Variants in HDAC9 observed in about 807,000 individuals in gnomAD.
HDAC9 encodes the protein MEF-2 interacting transcription repressor (MITR) protein.
In HDAC9, 41 loss-of-function variants were observed where a neutral mutation model predicts 139.4. That is an observed-to-expected ratio of 0.29 (90% CI 0.23 to 0.38). The LOEUF is 0.38. HDAC9 is among the 10% of genes least tolerant of loss of function. The pLI, the probability that HDAC9 is intolerant of heterozygous loss-of-function variation, is 1.00. For missense variants in HDAC9, 1,147 were observed against 1,297.0 expected, an observed-to-expected ratio of 0.88 and a Z score of 1.78; for synonymous variants, 517 against 476.2, an observed-to-expected ratio of 1.09 and a Z score of -1.12.
chr7:18,979,055 T>G (rs1784732989), intron 25 of HDAC9, among the ~76,000 whole-genome samples: 1 of 152,212 alleles, frequency 6.6e-6, no homozygotes, highest in South Asian at 2.1e-4. Context: ...AAATCCAGAA[T>G]AGTTGTCTCT....
intron 4 of HDAC9, 138 bp from the exon 5 acceptor site, chr7:18,591,378 T>G (rs1830895222): frequency 1.6e-6 from 2 of 1,219,886 alleles, no homozygotes; most frequent in Non-Finnish European, 2.1e-6. Context: ...GAAAACTTTA[T>G]GTGCTGTGAC....
chr7:18,903,334 T>G (rs1171876832), intron 22 of HDAC9, among the ~76,000 whole-genome samples: 1 of 152,254 alleles, frequency 6.6e-6, no homozygotes, highest in Non-Finnish European at 1.5e-5. Context: ...ATAGTTTACG[T>G]AAAATACTTG....
intron 1 of HDAC9, among the ~76,000 whole-genome samples, chr7:18,291,595 G>T (rs1797813990): frequency 6.6e-6 from 1 of 151,968 alleles, no homozygotes; most frequent in Admixed American, 6.6e-5. Flanking sequence ...AAAGCCAAAG[G>T]TTGTATCTGA....
At chr7:18,949,022 CT>C in intron 23 of HDAC9, 1 of 410,216 alleles carries the variant, frequency 2.4e-6, no homozygotes, top group Non-Finnish European at 4.7e-6. Flanking sequence ...TTTTTGTGTA[CT>C]TGCTTGCATT....
At position 18,782,547 on chromosome 7, in the gene HDAC9, A is replaced by G. The variant is rs1257563799; in HGVS notation, c.2215-10798A>G. Among the ~76,000 whole-genome samples the G allele has an allele frequency of 4.6e-5, 7 of 152,164 alleles. No homozygotes were observed. In the South Asian group the frequency reaches 6.2e-4, roughly 14 times the overall value. ...GAAAAGCCTGCAAAGACCCACATTC[A>G]CTCAGGAAACTACAGTTGAACTAGA... On this transcript the variant is annotated intron_variant, in intron 16 of 25. Coordinates refer to ENST00000686413, the MANE Select transcript of HDAC9 (RefSeq NM_178425.4).
intron 11 of HDAC9, among the ~76,000 whole-genome samples, chr7:18,664,977 C>T (rs1794401476): frequency 6.6e-6 from 1 of 152,072 alleles, no homozygotes; most frequent in Non-Finnish European, 1.5e-5. Flanking sequence ...ATAAATCTAC[C>T]TACAGTGAAA....
intron 1 of HDAC9, among the ~76,000 whole-genome samples, chr7:18,143,385 G>T (rs546957331): frequency 8.5e-5 from 13 of 152,262 alleles, no homozygotes; most frequent in Middle Eastern, 6.8e-3. Flanking sequence ...TATGAAAATG[G>T]TATGTTTTAG....
chr7:18,922,215 A>T lies in HDAC9; in HGVS notation c.2804-13594A>T, dbSNP rs183486427. ...GCACGTTGTGCACATGTACCCTACA[A>T]CTTAAACTATAATAATAATAATTAA... On this transcript the variant is annotated intron_variant, in intron 22 of 25. Coordinates refer to ENST00000686413, the MANE Select transcript of HDAC9 (RefSeq NM_178425.4). 4.7e-3 allele frequency among the ~76,000 whole-genome samples: 712 copies of T among 152,226 alleles called. 12 individuals carry two copies. Among genetic ancestry groups the T allele is most frequent in the African/African-American group, 0.017 (689 of 41,530 alleles).
rs781564414 is a variant in HDAC9, at chr7:18,585,305, T to C, written c.47T>C (p.Val16Ala). 1 of 1,613,864 alleles carries C rather than the reference T, an allele frequency of 6.2e-7. No individual in the cohort carries two copies. Among genetic ancestry groups the C allele is most frequent in the East Asian group, 2.2e-5 (1 of 44,866 alleles). ...GTGGATGTGAAGTCAGAAGTTCCTG[T>C]GGGCCTGGAGCCCATCTCACCTTTA... ...SSVDVKSEVP[V>A]GLEPISPLDL... Residue 16 changes from valine (V) to alanine (A), a missense_variant, in exon 3 of 26, where the codon GTG becomes GCG. This residue lies in a region of HDAC9 where 136 missense variants were observed against 183.5 expected (regional missense o/e 0.74). Transcript: ENST00000686413.
At chr7:18,775,309 G>A (rs1043381633) in intron 16 of HDAC9, among the ~76,000 whole-genome samples, 2 of 151,932 alleles carry the variant, frequency 1.3e-5, no homozygotes, top group African/African-American at 4.8e-5. Context: ...GAAAAATGAC[G>A]CCCATAGACT....
chr7:18,492,736 C>T (rs1796462831), upstream of HDAC9, among the ~76,000 whole-genome samples: 9 of 151,876 alleles, frequency 5.9e-5, no homozygotes, highest in South Asian at 1.9e-3. Flanking sequence ...TTTATAAATA[C>T]CCCAAAAGAA....
intron 2 of HDAC9, among the ~76,000 whole-genome samples, chr7:18,503,578 A>T (rs1391105609): frequency 6.6e-6 from 1 of 152,184 alleles, no homozygotes; most frequent in Non-Finnish European, 1.5e-5. Flanking sequence ...AAAATAAGTG[A>T]TGGGCTTTTC....
chr7:18,766,538 C>T (rs73317449), intron 15 of HDAC9, among the ~76,000 whole-genome samples: 3,305 of 152,118 alleles, frequency 0.022, 112 homozygotes, highest in African/African-American at 0.073. Context: ...TTAGAAGTGG[C>T]CTATGGTGTA....
At chr7:18,537,578 A>T (rs985659073) in intron 2 of HDAC9, among the ~76,000 whole-genome samples, 2 of 152,070 alleles carry the variant, frequency 1.3e-5, no homozygotes, top group South Asian at 4.2e-4. Context: ...CAGGACAGGG[A>T]TAAAGGTGGA....
intron 1 of HDAC9, chr7:18,127,150 T>G (rs1298291212): frequency 6.0e-6 from 1 of 167,852 alleles, no homozygotes; most frequent in Non-Finnish European, 1.5e-5. Context: ...GAGTTTGTGC[T>G]TCTCTTCACC....
At chr7:18,838,406 T>C (rs2129212965) in intron 21 of HDAC9, among the ~76,000 whole-genome samples, 1 of 151,868 alleles carries the variant, frequency 6.6e-6, no homozygotes, top group Middle Eastern at 3.4e-3. Flanking sequence ...AGAAGAGGAG[T>C]TGGAGTCGGG....
intron 1 of HDAC9, among the ~76,000 whole-genome samples, chr7:18,434,813 A>G (rs918202630): frequency 9.9e-5 from 15 of 152,146 alleles, no homozygotes; most frequent in African/African-American, 3.1e-4. Context: ...TAGTCCAGCC[A>G]TTGTCAAAAG....
At chr7:18,994,661 A>G (rs976120195) in intron 25 of HDAC9, among the ~76,000 whole-genome samples, 1 of 152,184 alleles carries the variant, frequency 6.6e-6, no homozygotes, top group African/African-American at 2.4e-5. Flanking sequence ...CTATGGTTAA[A>G]ATCTTTCTTT....
At chr7:18,340,407 C>G (rs1043633395) in intron 1 of HDAC9, among the ~76,000 whole-genome samples, 2 of 151,528 alleles carry the variant, frequency 1.3e-5, no homozygotes, top group Non-Finnish European at 3.0e-5. Flanking sequence ...TTTTGCTACT[C>G]ATTTCCTACT....
Sources: allele counts gnomAD v4.1 joint callset (sites outside exome capture counted in the v4.1 genomes callset), GRCh38; gene constraint gnomAD v4.1.1; regional missense constraint gnomAD v4.1.1; transcripts MANE v1.5; gene names NCBI Gene and HGNC (gene_info 2026-07-23, HGNC 2026-07-21).